SHOC1: variants seen among roughly 807,000 people sequenced by gnomAD.
SHOC1 encodes protein shortage in chiasmata 1 ortholog.
Under a neutral mutation model 179.2 loss-of-function variants are expected in SHOC1, and 136 were observed. The ratio of observed to expected loss-of-function variants is 0.76; its 90% CI spans 0.66 to 0.87. The LOEUF is 0.87. Ranked by LOEUF, SHOC1 falls within the 40% of genes least tolerant of loss-of-function variation. The pLI, the probability that SHOC1 is intolerant of heterozygous loss-of-function variation, is 0.00. For missense variants in SHOC1, 1,538 were observed against 1,700.8 expected (o/e 0.90, Z 1.68); for synonymous variants, 489 against 586.6 (o/e 0.83, Z 2.41).
chr9:111,748,208 G>A lies in SHOC1; in HGVS notation c.863-9C>T, dbSNP rs766838192. ...ATGCTTGTTAGTAAGATCTGAAAAG[G>A]AAGAAACTCTGTTATTAGCAAATGT... On this transcript the variant is annotated splice_polypyrimidine_tract_variant and intron_variant, in intron 8 of 27. Coordinates refer to ENST00000682961, the MANE Select transcript of SHOC1 (RefSeq NM_001378211.1). 2.5e-6 allele frequency: 4 copies of A among 1,574,472 alleles called. No individual in the cohort carries two copies. The highest frequency in any genetic ancestry group is 1.4e-5 in the African/African-American group (1 of 73,978).
At chr9:111,746,471 T>C in intron 9 of SHOC1, 129 bp from the exon 10 acceptor site, 1 of 534,208 alleles carries the variant, frequency 1.9e-6, no homozygotes, top group East Asian at 3.1e-5. Flanking sequence ...GTCCAGGAGT[T>C]TAAGACCTGG....
chr9:111,731,940 C>A (rs941220518), intron 12 of SHOC1, among the ~76,000 whole-genome samples: 53 of 151,892 alleles, frequency 3.5e-4, no homozygotes, highest in African/African-American at 1.2e-3. Flanking sequence ...GTAAAAGACA[C>A]AATTATCTGT....
chr9:111,781,414 A>T (rs7861183), intron 3 of SHOC1, among the ~76,000 whole-genome samples: 8,716 of 152,178 alleles, frequency 0.057, 617 homozygotes, highest in African/African-American at 0.17. Flanking sequence ...GTACTCAACC[A>T]TATACAGTCC....
chr9:111,699,866 A>T, intron 24 of SHOC1, 88 bp downstream of exon 24: 1 of 694,556 alleles, frequency 1.4e-6, no homozygotes. Flanking sequence ...TCATTTGCTT[A>T]ACACTTTTTT....
At chr9:111,748,494 T>A (rs992533155) in intron 8 of SHOC1, among the ~76,000 whole-genome samples, 2 of 152,196 alleles carry the variant, frequency 1.3e-5, no homozygotes, top group African/African-American at 4.8e-5. Context: ...GGGCAATCCA[T>A]AAGCCACAAA....
intron 23 of SHOC1, among the ~76,000 whole-genome samples, chr9:111,701,147 G>T (rs889589528): frequency 7.9e-5 from 12 of 152,114 alleles, no homozygotes; most frequent in Admixed American, 4.6e-4. Context: ...ACCTAGTATG[G>T]TCTCAGGGAC....
At chr9:111,758,580 C>T in intron 6 of SHOC1, 115 bp downstream of exon 6, 4 of 998,870 alleles carry the variant, frequency 4.0e-6, no homozygotes, top group Non-Finnish European at 5.7e-6. Flanking sequence ...CAGAGCAAGA[C>T]TCATCTCAAA....
intron 18 of SHOC1, among the ~76,000 whole-genome samples, chr9:111,710,669 G>C (rs1232691582): frequency 6.6e-6 from 1 of 152,120 alleles, no homozygotes; most frequent in Non-Finnish European, 1.5e-5. Context: ...CCTGGGGTGG[G>C]AAGTGGTGCC....
chr9:111,736,711 G>A (rs1404804328), intron 12 of SHOC1, among the ~76,000 whole-genome samples: 7 of 152,032 alleles, frequency 4.6e-5, no homozygotes, highest in South Asian at 2.1e-4. Flanking sequence ...AAAAATTGCC[G>A]AGTGGGACCT....
chr9:111,758,254 C>T, intron 6 of SHOC1, 59 bp from the exon 7 acceptor site: 1 of 849,064 alleles, frequency 1.2e-6, no homozygotes, highest in Middle Eastern at 2.3e-4. Flanking sequence ...CTAAATGTAG[C>T]CAACCAAAAC....
chr9:111,741,560 T>C lies in SHOC1; in HGVS notation c.1090A>G (p.Thr364Ala). Reference sequence around the variant, plus strand: ...TATTCATTAGCTGATTCTTCAGCAGTAAGCAAATTACTGAAAAAAAGAGTT... The same window carrying C: ...TATTCATTAGCTGATTCTTCAGCAGCAAGCAAATTACTGAAAAAAAGAGTT... ...LSPVCKINLL[T>A]AEESANEYYM... The change falls in exon 11 of 28, where the codon ACT becomes GCT. Residue 364 changes from threonine to alanine, a missense_variant. Coordinates refer to ENST00000682961, the MANE Select transcript of SHOC1 (RefSeq NM_001378211.1). The C allele has an allele frequency of 6.3e-7, 1 of 1,593,640 alleles. No homozygotes were observed. The highest frequency in any genetic ancestry group is 1.1e-5 in the South Asian group (1 of 87,874).
Position 111,738,379 on chromosome 9 carries a change from T to C in SHOC1, c.1318A>G (p.Thr440Ala). 6.2e-7 allele frequency: 1 copy of C among 1,613,432 alleles called. No individual in the cohort carries two copies. Among genetic ancestry groups the C allele is most frequent in the Non-Finnish European group, 8.5e-7 (1 of 1,179,788 alleles). The change falls in exon 12 of 28, where the codon ACA (threonine) becomes GCA (alanine). Residue 440 changes from threonine to alanine, a missense_variant. Thr to Ala is a moderately conservative substitution (Grantham distance 58). Transcript: ENST00000682961. ...QAGLNLKMME[T>A]LEHLNTYLCH... ...AAATATGTATTCAGATGTTCCAATG[T>C]TTCCATCATTTTCAGATTTAGTCCT... is the stretch of plus-strand genomic sequence containing the variant.
chr9:111,784,380 G>A (rs1385030919), intron 3 of SHOC1, among the ~76,000 whole-genome samples: 3 of 152,124 alleles, frequency 2.0e-5, no homozygotes, highest in Non-Finnish European at 2.9e-5. Context: ...TTGACAATTT[G>A]TAAAATAAGC....
Position 111,791,388 on chromosome 9 carries a change from C to CT in SHOC1, c.30dup (p.Asp11ArgfsTer5). 6.8e-7 allele frequency: 1 copy of CT among 1,477,864 alleles called. No homozygotes were observed. The highest frequency in any genetic ancestry group is 9.0e-7 in the Non-Finnish European group (1 of 1,109,996). The allele number at this position is 1,477,864 out of a possible 1,614,324, so 91.5% of individuals were successfully genotyped here. The stretch of plus-strand genomic sequence containing the variant: ...TAACACTCTACCTCATATAAATAGT[C>CT]TATTGCATGATATTTCAATGCTGAA... On this transcript the variant is annotated frameshift_variant, in exon 2 of 28. Transcript: ENST00000682961. LOFTEE classifies it high-confidence loss of function.
chr9:111,701,414 C>T (rs1831966831), intron 23 of SHOC1, among the ~76,000 whole-genome samples: 1 of 152,084 alleles, frequency 6.6e-6, no homozygotes, highest in Non-Finnish European at 1.5e-5. Flanking sequence ...TAATTATTTT[C>T]ATGAAAATCT....
At chr9:111,777,366 A>G (rs1459242418) in intron 4 of SHOC1, among the ~76,000 whole-genome samples, 1 of 152,186 alleles carries the variant, frequency 6.6e-6, no homozygotes, top group Non-Finnish European at 1.5e-5. Context: ...TTTTCAGGAA[A>G]AGGCTATTAT....
intron 6 of SHOC1, 40 bp from the exon 7 acceptor site, chr9:111,758,235 A>G (rs1467932294): frequency 9.2e-7 from 1 of 1,090,170 alleles, no homozygotes. Flanking sequence ...ACTAAAAGCA[A>G]GTTACATACT....
At position 111,729,625 on chromosome 9, in the gene SHOC1, G is replaced by A. The variant is rs116333693; in HGVS notation, c.1418-1576C>T. On this transcript the variant is annotated intron_variant, in intron 12 of 27. Coordinates refer to ENST00000682961, the MANE Select transcript of SHOC1 (RefSeq NM_001378211.1). ...AAATTGGAGTCAAGGTCAGGAGCGTGGCTCATGCCTATAATCCCAGCACTT... is the reference window on the plus strand; with the variant it reads ...AAATTGGAGTCAAGGTCAGGAGCGTAGCTCATGCCTATAATCCCAGCACTT... Among the ~76,000 whole-genome samples, 861 of 152,286 alleles carry A rather than the reference G, an allele frequency of 5.7e-3. 7 individuals are homozygous for A. Among genetic ancestry groups the A allele is most frequent in the African/African-American group, 0.02 (820 of 41,562 alleles).
At position 111,692,480 on chromosome 9, in the gene SHOC1, A is replaced by G. The variant is rs537629803; in HGVS notation, c.3497T>C (p.Ile1166Thr). 5.6e-6 allele frequency: 9 copies of G among 1,593,374 alleles called. No homozygotes were observed. Among genetic ancestry groups the G allele is most frequent in the Non-Finnish European group, 7.7e-6 (9 of 1,167,808 alleles). The change falls in exon 27 of 28, where the codon ATT becomes ACT. Residue 1166 changes from isoleucine (I) to threonine (T), a missense_variant. Coordinates refer to ENST00000682961, the MANE Select transcript of SHOC1 (RefSeq NM_001378211.1). ...TGATTTTGTTATGGAAGAAGAACCA[A>G]TCTTGAATAGGGAAGTGATGCTACA... Reference protein sequence around the residue: ...HFCSITSLFKIGSSSITKSPQ... With the variant: ...HFCSITSLFKTGSSSITKSPQ...
Sources: gnomAD v4.1 joint callset for allele counts (sites outside exome capture counted in the v4.1 genomes callset) on GRCh38, gnomAD v4.1.1 for gene constraint, MANE v1.5 for transcripts, NCBI Gene and HGNC (gene_info 2026-07-23, HGNC 2026-07-21) for gene names.